UNC80: variants seen among roughly 807,000 people sequenced by gnomAD.
UNC80 encodes protein unc-80 homolog.
Under a neutral mutation model 384.6 loss-of-function variants are expected in UNC80, and 164 were observed. The observed-to-expected ratio is 0.43, with a 90% CI of 0.38 to 0.49. The LOEUF (loss-of-function observed/expected upper bound fraction) is 0.49, where lower values mean the gene tolerates loss of function less well. Among genes scored for constraint, UNC80 ranks in the 20% least tolerant of loss-of-function variants. The pLI, the probability that UNC80 is intolerant of heterozygous loss-of-function variation, is 0.00. For synonymous variants in UNC80, 1,486 were observed against 1,527.8 expected (o/e 0.97, Z 0.64); for missense variants, 3,330 against 4,143.0 (o/e 0.80, Z 5.39).
At chr2:209,788,382 A>G (rs898762684) in intron 5 of UNC80, among the ~76,000 whole-genome samples, 1 of 151,036 alleles carries the variant, frequency 6.6e-6, no homozygotes, top group South Asian at 2.1e-4. Context: ...GCACCATTGC[A>G]CTCCAGCCTG....
intron 21 of UNC80, among the ~76,000 whole-genome samples, chr2:209,843,215 A>G (rs2081899176): frequency 6.6e-6 from 1 of 152,212 alleles, no homozygotes; most frequent in Non-Finnish European, 1.5e-5. Flanking sequence ...GGAATGCAAT[A>G]TGCCATATTT....
chr2:209,882,684 T>C (rs1574874381), intron 25 of UNC80, among the ~76,000 whole-genome samples: 1 of 152,202 alleles, frequency 6.6e-6, no homozygotes, highest in South Asian at 2.1e-4. Flanking sequence ...TAGGCCTCTA[T>C]CAGTATTATC....
At chr2:209,798,154 C>T (rs1343518096) in intron 7 of UNC80, among the ~76,000 whole-genome samples, 1 of 152,164 alleles carries the variant, frequency 6.6e-6, no homozygotes, top group African/African-American at 2.4e-5. Context: ...TGCAGAAGCC[C>T]TTTAGTTTAA....
chr2:209,994,641 C>A (rs1318055177), intron 64 of UNC80, among the ~76,000 whole-genome samples: 2 of 152,000 alleles, frequency 1.3e-5, no homozygotes, highest in African/African-American at 4.8e-5. Context: ...AGTTCATGCT[C>A]AAAGAAAATG....
Position 209,831,570 on chromosome 2 carries a change from A to T in UNC80, c.2754A>T (p.Glu918Asp). ...CACGCTGCGCTTCAACCACACATGA[A>T]TTGCACAGCCCTGAGAATCTGGTGA... ...LITRCASTTH[E>D]LHSPENLGLY... is the part of the protein sequence containing the mutation. The change falls in exon 16 of 65, where the codon GAA (glutamate) becomes GAT (aspartate). Residue 918 changes from glutamate (E) to aspartate (D), a missense_variant. Physicochemically the swap from Glu to Asp is conservative, Grantham distance 45 (BLOSUM62 2). Transcript: ENST00000673920. The T allele has an allele frequency of 6.5e-7, 1 of 1,548,336 alleles. No individual in the cohort carries two copies.
intron 64 of UNC80, 60 bp downstream of exon 64, chr2:209,994,324 C>G (rs1036038870): frequency 1.4e-6 from 2 of 1,414,844 alleles, no homozygotes; most frequent in Non-Finnish European, 1.9e-6. Context: ...CTAGCAGCCA[C>G]TTGGATATGC....
Position 209,839,077 on chromosome 2 carries a change from C to T in UNC80, c.3042-145C>T. ...AACCTTGATCTCTTTCCTCCCACTT[C>T]AATGCCCACTCTTCCCACATTTCAG... On this transcript the variant is annotated intron_variant, in intron 18 of 64. Coordinates refer to ENST00000673920, the MANE Select transcript of UNC80 (RefSeq NM_001371986.1). The surrounding 1 kb of genome is among the most constrained non-coding windows in gnomAD (Gnocchi z 4.1). The T allele has an allele frequency of 1.4e-6, 1 of 704,022 alleles. No homozygotes were observed. Among genetic ancestry groups the T allele is most frequent in the Non-Finnish European group, 2.3e-6 (1 of 425,686 alleles). 43.6% of individuals were successfully genotyped at this position (704,022 alleles called of 1,614,324 possible). A position where few individuals can be genotyped will look rare whatever the true frequency, so the allele number is the denominator to read the frequency against.
At position 209,995,346 on chromosome 2, in the gene UNC80, T is replaced by G; in HGVS notation, c.9726T>G (p.Thr3242=). ...VSPKQSENFP[T]EEGEKEEDTE... ...GATCACAGAGTGAGAACTTCCCCAC[T>G]GAAGAAGGAGAAAAGGAGGAGGACA... Residue 3242 remains threonine (T), a synonymous_variant, in exon 65 of 65, where the codon ACT becomes ACG. Coordinates refer to ENST00000673920, the MANE Select transcript of UNC80 (RefSeq NM_001371986.1). 1.3e-6 allele frequency: 2 copies of G among 1,552,204 alleles called. No individual in the cohort carries two copies. The highest frequency in any genetic ancestry group is 4.9e-5 in the East Asian group (2 of 40,932).
At chr2:209,815,425 G>C (rs1460480473) in intron 9 of UNC80, 34 bp downstream of exon 9, 21 of 1,536,050 alleles carry the variant, frequency 1.4e-5, no homozygotes, top group Non-Finnish European at 1.8e-5. Flanking sequence ...TTGATATTTT[G>C]GTAAATAAAA....
At chr2:209,977,653 CCTTTAA>C (rs1356275246) in intron 58 of UNC80, among the ~76,000 whole-genome samples, 3 of 152,270 alleles carry the variant, frequency 2.0e-5, no homozygotes, top group East Asian at 1.9e-4. Flanking sequence ...ATTTATAAAG[CCTTTAA>C]CTTTAACTTT....
At chr2:209,937,041 A>G in intron 41 of UNC80, 108 bp downstream of exon 41, 2 of 712,140 alleles carry the variant, frequency 2.8e-6, no homozygotes, top group Admixed American at 5.0e-5. Context: ...AGGTAATAGT[A>G]TGGCCACCTG....
chr2:209,835,467 A>G (rs1300134995), intron 18 of UNC80, among the ~76,000 whole-genome samples: 4 of 152,252 alleles, frequency 2.6e-5, no homozygotes, highest in African/African-American at 9.6e-5. Flanking sequence ...ACTGTACCAC[A>G]TTGTACCTTG....
At chr2:209,830,930 C>A (rs1468037722) in intron 15 of UNC80, among the ~76,000 whole-genome samples, 1 of 152,126 alleles carries the variant, frequency 6.6e-6, no homozygotes, top group African/African-American at 2.4e-5. Flanking sequence ...GAGAGCTTCC[C>A]TGCAGGGCTC....
chr2:209,907,291 C>CAA (rs35210647), intron 29 of UNC80, among the ~76,000 whole-genome samples: 10,509 of 68,472 alleles, frequency 0.15, 641 homozygotes, highest in South Asian at 0.3. Context: ...CAATAATGGG[C>CAA]AAAAAAAAAA....
chr2:209,861,959 T>G (rs2083375805), intron 22 of UNC80, among the ~76,000 whole-genome samples: 1 of 152,212 alleles, frequency 6.6e-6, no homozygotes, highest in South Asian at 2.1e-4. Context: ...GGTCTATCTA[T>G]TTTGCTTATT....
intron 7 of UNC80, among the ~76,000 whole-genome samples, chr2:209,804,494 C>T (rs1452205255): frequency 6.6e-6 from 1 of 152,018 alleles, no homozygotes; most frequent in Non-Finnish European, 1.5e-5. Flanking sequence ...TCCTCTTGTA[C>T]TGTCTCTGGA....
At chr2:209,921,239 A>C (rs1320747107) in intron 33 of UNC80, among the ~76,000 whole-genome samples, 1 of 152,242 alleles carries the variant, frequency 6.6e-6, no homozygotes, top group Non-Finnish European at 1.5e-5. Context: ...TATCCCTGCA[A>C]ATCCTGAGAT....
chr2:209,921,074 C>T (rs373163287), intron 33 of UNC80, among the ~76,000 whole-genome samples: 6 of 152,132 alleles, frequency 3.9e-5, no homozygotes, highest in South Asian at 2.1e-4. Flanking sequence ...GTGATCCACC[C>T]GCCTCAGCCT....
At chr2:209,850,945 T>C (rs575805262) in intron 22 of UNC80, among the ~76,000 whole-genome samples, 1 of 152,222 alleles carries the variant, frequency 6.6e-6, no homozygotes, top group South Asian at 2.1e-4. Flanking sequence ...CTGCATGGTT[T>C]GTCTTAATCA....
Sources: gnomAD v4.1 joint callset for allele counts (sites outside exome capture counted in the v4.1 genomes callset) on GRCh38, gnomAD v4.1.1 for gene constraint, Gnocchi (gnomAD v3.1) non-coding constraint, MANE v1.5 for transcripts, NCBI Gene and HGNC (gene_info 2026-07-23, HGNC 2026-07-21) for gene names.